The following HNRNPD variants were observed in gnomAD, a reference collection of about 807,000 sequenced individuals.
HNRNPD encodes heterogeneous nuclear ribonucleoprotein D.
HNRNPD carries 3 observed loss-of-function variants against 47.9 expected under a neutral mutation model. That is an observed-to-expected ratio of 0.06 (90% CI 0.03 to 0.16). The LOEUF is 0.16. Ranked by LOEUF, HNRNPD falls within the 10% of genes least tolerant of loss-of-function variation. HNRNPD has a pLI of 1.00. For synonymous variants in HNRNPD, 171 were observed against 165.1 expected, an observed-to-expected ratio of 1.04 and a Z score of -0.28; for missense variants, 287 against 454.2, an observed-to-expected ratio of 0.63 and a Z score of 3.35.
intron 1 of HNRNPD, chr4:82,373,189 A>T (rs1720165730): frequency 1.5e-6 from 1 of 673,396 alleles, no homozygotes; most frequent in African/African-American, 1.8e-5. Context: ...GGAGGAAAGG[A>T]GGGCGGGCCG....
chr4:82,353,373 A>C lies in HNRNPD; in HGVS notation c.*812T>G, dbSNP rs1436380686. 1 of 152,176 alleles carries C rather than the reference A, an allele frequency of 6.6e-6. No homozygotes were observed. Among genetic ancestry groups the C allele is most frequent in the Non-Finnish European group, 1.5e-5 (1 of 68,004 alleles). The allele number at this position is 152,176 out of a possible 1,614,324, so 9.4% of individuals were successfully genotyped here. A position where few individuals can be genotyped will look rare whatever the true frequency, so the allele number is the denominator to read the frequency against. On this transcript the variant is annotated 3_prime_UTR_variant, in exon 9 of 9. Coordinates refer to ENST00000313899, the MANE Select transcript of HNRNPD (RefSeq NM_031370.3). ...TAATCCTCCCTCAACACTTGAATTC[A>C]TCTATGAAGTCCACCACAGCTCTAA...
intron 2 of HNRNPD, among the ~76,000 whole-genome samples, chr4:82,368,259 T>C (rs549926035): frequency 4.6e-5 from 7 of 152,290 alleles, no homozygotes; most frequent in African/African-American, 1.7e-4. Flanking sequence ...TCAATATGTA[T>C]ACTCAAATGT....
At chr4:82,371,341 G>A (rs890740676) in intron 2 of HNRNPD, among the ~76,000 whole-genome samples, 187 bp downstream of exon 2, 6 of 151,986 alleles carry the variant, frequency 3.9e-5, no homozygotes, top group Non-Finnish European at 7.4e-5. Context: ...ACCATGTAAC[G>A]GCATCAATTT....
chr4:82,373,649 C>A lies in HNRNPD; in HGVS notation c.30G>T (p.Gly10=). 1 of 1,526,762 alleles carries A rather than the reference C, an allele frequency of 6.5e-7. No individual in the cohort carries two copies. The allele number at this position is 1,526,762 out of a possible 1,614,324, so 94.6% of individuals were successfully genotyped here. ...CCGCCGCCGTTGCCGCTGCCGCCGC[C>A]CCGTCCCCGCCGAACTGCTCCTCCG... is the stretch of plus-strand genomic sequence containing the variant. MSEEQFGGD[G]AAAAATAAVG... The change falls in exon 1 of 9, where the codon GGG becomes GGT. Residue 10 remains glycine (G), a synonymous_variant. Coordinates refer to ENST00000313899, the MANE Select transcript of HNRNPD (RefSeq NM_031370.3).
chr4:82,365,716 CA>C, intron 2 of HNRNPD, among the ~76,000 whole-genome samples: 1 of 151,914 alleles, frequency 6.6e-6, no homozygotes, highest in African/African-American at 2.4e-5. Flanking sequence ...GCAATCTTCC[CA>C]TCTCAAGCTC....
rs933131820 is a variant in HNRNPD, at chr4:82,373,924, C to T, written c.-246G>A. 4 of 932,828 alleles carry T rather than the reference C, an allele frequency of 4.3e-6. No individual in the cohort carries two copies. The South Asian group carries it at 5.9e-5, about 14-fold the overall frequency. The allele number at this position is 932,828 out of a possible 1,614,324, so 57.8% of individuals were successfully genotyped here. A position where few individuals can be genotyped will look rare whatever the true frequency, so the allele number is the denominator to read the frequency against. ...CGCTGCACTAAAAAAGAATAAGCAC[C>T]AGCGGCGGCCGCTCTCGCCTCCTCC... On this transcript the variant is annotated 5_prime_UTR_variant, in exon 1 of 9. Transcript: ENST00000313899.
Position 82,373,787 on chromosome 4 carries a change from G to C in HNRNPD, c.-109C>G, listed in dbSNP as rs1720277676. ...CTGCCGCGCGCCCGCTCTACCTCGC[G>C]AAGCACACAAGACAGGGAAGGCGCG... On this transcript the variant is annotated 5_prime_UTR_variant, in exon 1 of 9. Coordinates refer to ENST00000313899, the MANE Select transcript of HNRNPD (RefSeq NM_031370.3). 1 of 1,523,752 alleles carries C rather than the reference G, an allele frequency of 6.6e-7. No individual in the cohort carries two copies. The highest frequency in any genetic ancestry group is 8.8e-7 in the Non-Finnish European group (1 of 1,141,830). The allele number at this position is 1,523,752 out of a possible 1,614,324, so 94.4% of individuals were successfully genotyped here. A position where few individuals can be genotyped will look rare whatever the true frequency, so the allele number is the denominator to read the frequency against.
chr4:82,373,573 C>G lies in HNRNPD; in HGVS notation c.106G>C (p.Gly36Arg). The change falls in exon 1 of 9, where the codon GGG (glycine) becomes CGG (arginine). Residue 36 changes from glycine (G) to arginine (R), a missense_variant. Around this residue, in one of 5 missense-constraint regions of HNRNPD, gnomAD observed 161 missense variants for 137.1 expected, o/e 1.17. Coordinates refer to ENST00000313899, the MANE Select transcript of HNRNPD (RefSeq NM_031370.3). ...CCGCTTCCCGCCGCCGCCGCTGCCC[C>G]CTGTGTCGCCGCCACCATGGCTCCC... ...QEGAMVAATQ[G>R]AAAAAGSGAG... 1.3e-6 allele frequency: 2 copies of G among 1,539,250 alleles called. No homozygotes were observed. Among genetic ancestry groups the G allele is most frequent in the Non-Finnish European group, 1.7e-6 (2 of 1,144,174 alleles).
intron 2 of HNRNPD, among the ~76,000 whole-genome samples, chr4:82,371,125 T>G (rs1451983009): frequency 6.6e-6 from 1 of 152,236 alleles, no homozygotes; most frequent in Non-Finnish European, 1.5e-5. Context: ...ATAACATGCA[T>G]GACATTTTAA....
At chr4:82,361,991 A>T (rs1719469887) in intron 2 of HNRNPD, among the ~76,000 whole-genome samples, 1 of 152,192 alleles carries the variant, frequency 6.6e-6, no homozygotes, top group Non-Finnish European at 1.5e-5. Flanking sequence ...GGAGCCAAGT[A>T]TTATTCCACC....
At position 82,364,052 on chromosome 4, in the gene HNRNPD, T is replaced by C. The variant is rs771289935; in HGVS notation, c.291-4413A>G. On this transcript the variant is annotated intron_variant, in intron 2 of 8. Transcript: ENST00000313899. Reference sequence around the variant, plus strand: ...AGTGCACTGGCTCCATGACAGCTCATTGCAGCCTTGACCTCCTGGGCTCAG... The same window carrying C: ...AGTGCACTGGCTCCATGACAGCTCACTGCAGCCTTGACCTCCTGGGCTCAG... Among the ~76,000 whole-genome samples, 14 of 152,268 alleles carry C rather than the reference T, an allele frequency of 9.2e-5. No homozygotes were observed. The East Asian group carries it at 2.1e-3, about 23-fold the overall frequency.
chr4:82,372,900 A>C (rs1482959422), intron 1 of HNRNPD, among the ~76,000 whole-genome samples: 1 of 152,202 alleles, frequency 6.6e-6, no homozygotes, highest in African/African-American at 2.4e-5. Context: ...ATCCCAAGAA[A>C]ACAGTCGGCC....
At chr4:82,365,480 C>G (rs1170035220) in intron 2 of HNRNPD, among the ~76,000 whole-genome samples, 1 of 151,996 alleles carries the variant, frequency 6.6e-6, no homozygotes, top group East Asian at 1.9e-4. Context: ...TACAATGCAA[C>G]TAGATAATAT....
chr4:82,357,226 G>C, intron 5 of HNRNPD, 87 bp downstream of exon 5: 1 of 1,407,806 alleles, frequency 7.1e-7, no homozygotes, highest in East Asian at 2.3e-5. Context: ...AGCATGCAAA[G>C]AACTTAAGCC....
chr4:82,362,802 G>C (rs770465519), intron 2 of HNRNPD, among the ~76,000 whole-genome samples: 2 of 151,934 alleles, frequency 1.3e-5, no homozygotes, highest in Non-Finnish European at 2.9e-5. Flanking sequence ...GTTTCCCCTC[G>C]TTGGCCAGGC....
chr4:82,355,186 A>G, intron 8 of HNRNPD, 118 bp downstream of exon 8: 1 of 668,058 alleles, frequency 1.5e-6, no homozygotes, highest in East Asian at 2.7e-5. Context: ...CTATGTTATA[A>G]TATGGTAAGC....
Position 82,373,912 on chromosome 4 carries a change from A to G in HNRNPD, c.-234T>C. 9.8e-7 allele frequency: 1 copy of G among 1,020,750 alleles called. No individual in the cohort carries two copies. Among genetic ancestry groups the G allele is most frequent in the Non-Finnish European group, 1.3e-6 (1 of 745,912 alleles). The allele number at this position is 1,020,750 out of a possible 1,614,324, so 63.2% of individuals were successfully genotyped here. ...CCCGCTCTCTCCCGCTGCACTAAAA[A>G]AGAATAAGCACCAGCGGCGGCCGCT... On this transcript the variant is annotated 5_prime_UTR_variant, in exon 1 of 9. Transcript: ENST00000313899.
intron 1 of HNRNPD, 200 bp downstream of exon 1, chr4:82,373,246 G>T: frequency 1.3e-6 from 1 of 754,206 alleles, no homozygotes. Context: ...TGTGATGGGG[G>T]AGGGGGGCGA....
At chr4:82,359,751 A>T (rs1012863171) in intron 2 of HNRNPD, 112 bp from the exon 3 acceptor site, 1 of 583,026 alleles carries the variant, frequency 1.7e-6, no homozygotes, top group African/African-American at 1.9e-5. Flanking sequence ...CAGTATATTA[A>T]AACATCATTC....
Sources: gnomAD v4.1 joint callset for allele counts (sites outside exome capture counted in the v4.1 genomes callset) on GRCh38, gnomAD v4.1.1 for gene constraint, gnomAD v4.1.1 regional missense constraint, MANE v1.5 for transcripts, NCBI Gene and HGNC (gene_info 2026-07-23, HGNC 2026-07-21) for gene names.